BLTP1: variants seen among roughly 807,000 people sequenced by gnomAD.
The protein encoded by BLTP1 is bridge-like lipid transfer protein family member 1, also known as fragile site-associated protein.
chr4:122,198,507 A>G, the BLTP1 span: 2 of 920,750 alleles, frequency 2.2e-6, no homozygotes, highest in Non-Finnish European at 2.6e-6. Context: ...AGGAAATAGT[A>G]TTTTTACTGT....
At chr4:122,262,664 T>G in the BLTP1 span, 2 of 1,394,664 alleles carry the variant, frequency 1.4e-6, no homozygotes, top group Non-Finnish European at 1.9e-6. Context: ...ATGTGCAAAG[T>G]AGCTAGCAGT....
the BLTP1 span, chr4:122,292,637 T>G: frequency 1.1e-6 from 1 of 916,366 alleles, no homozygotes; most frequent in Non-Finnish European, 1.3e-6. Context: ...AAAAAGAATC[T>G]GCTTTTAACC....
the BLTP1 span, chr4:122,333,599 A>T: frequency 5.0e-5 from 78 of 1,548,334 alleles, no homozygotes; most frequent in Non-Finnish European, 2.6e-6. Flanking sequence ...GTCATTTTTT[A>T]AAAAGATAAG....
chr4:122,211,083 T>A, the BLTP1 span: 1 of 1,611,486 alleles, frequency 6.2e-7, no homozygotes. Flanking sequence ...TAAATGCCTT[T>A]TTGTGTATAA....
chr4:122,269,581 C>T, the BLTP1 span: 25 of 985,014 alleles, frequency 2.5e-5, no homozygotes, highest in African/African-American at 3.3e-4. Flanking sequence ...AGACCTTCAC[C>T]GCAATATACT....
chr4:122,195,127 G>A, the BLTP1 span, among the ~76,000 whole-genome samples: 1 of 152,154 alleles, frequency 6.6e-6, no homozygotes, highest in South Asian at 2.1e-4. Flanking sequence ...CATACAGAAA[G>A]AAATCTCAGC....
chr4:122,362,413 A>T, the BLTP1 span: 1 of 540,030 alleles, frequency 1.9e-6, no homozygotes, highest in South Asian at 2.6e-5. Context: ...TTCTGTGTAC[A>T]GTGAAGTATT....
the BLTP1 span, among the ~76,000 whole-genome samples, chr4:122,168,734 T>G: frequency 6.6e-6 from 1 of 152,188 alleles, no homozygotes; most frequent in Non-Finnish European, 1.5e-5. Flanking sequence ...AAAAAAGGAT[T>G]ATTGTAAACT....
chr4:122,291,830 T>G, the BLTP1 span: 1 of 979,756 alleles, frequency 1.0e-6, no homozygotes, highest in Non-Finnish European at 1.2e-6. Flanking sequence ...AATTATTGTT[T>G]AGTATGTTTT....
chr4:122,171,272 A>G, the BLTP1 span, among the ~76,000 whole-genome samples: 2 of 152,170 alleles, frequency 1.3e-5, no homozygotes, highest in Non-Finnish European at 2.9e-5. Context: ...CAGAGGGAGA[A>G]AGGAAATATG....
At chr4:122,234,642 T>G in the BLTP1 span, 1 of 1,023,500 alleles carries the variant, frequency 9.8e-7, no homozygotes, top group Non-Finnish European at 1.4e-6. Context: ...TAAACCTTTG[T>G]GTTTGTGTTT....
chr4:122,272,410 G>A, the BLTP1 span: 3 of 1,606,326 alleles, frequency 1.9e-6, no homozygotes, highest in Non-Finnish European at 2.6e-6. Flanking sequence ...TGAAAGGTAT[G>A]AATGATTTTT....
At chr4:122,325,585 G>A in the BLTP1 span, 1 of 1,148,560 alleles carries the variant, frequency 8.7e-7, no homozygotes. Flanking sequence ...AAAGGTTTTT[G>A]TTGAATAATT....
the BLTP1 span, chr4:122,219,569 T>C: frequency 6.2e-7 from 1 of 1,610,360 alleles, no homozygotes; most frequent in East Asian, 2.2e-5. Flanking sequence ...CTTCCTGTTG[T>C]AAGTGTTTAC....
At chr4:122,339,118 A>T in the BLTP1 span, 1 of 1,405,518 alleles carries the variant, frequency 7.1e-7, no homozygotes, top group East Asian at 2.5e-5. Context: ...AATGTTTCTT[A>T]AGTTTATTTG....
the BLTP1 span, chr4:122,328,099 A>G: frequency 2.7e-6 from 4 of 1,509,170 alleles, no homozygotes; most frequent in Non-Finnish European, 3.6e-6. Flanking sequence ...TCTTTTTACA[A>G]TCAGTTTCCA....
chr4:122,164,201 T>C, the BLTP1 span, among the ~76,000 whole-genome samples: 1 of 152,180 alleles, frequency 6.6e-6, no homozygotes, highest in East Asian at 1.9e-4. Flanking sequence ...GTTAGAATTT[T>C]GGGATTGGGA....
the BLTP1 span, chr4:122,289,248 T>A: frequency 8.2e-7 from 1 of 1,219,524 alleles, no homozygotes; most frequent in Non-Finnish European, 1.2e-6. Flanking sequence ...TCATTGAGCG[T>A]GTGATATCCC....
the BLTP1 span, chr4:122,337,222 A>G: frequency 3.6e-6 from 2 of 550,400 alleles, no homozygotes; most frequent in Non-Finnish European, 6.4e-6. Flanking sequence ...TGCTCAAGTT[A>G]TGATGCTGTT....
Sources: allele counts gnomAD v4.1 joint callset (sites outside exome capture counted in the v4.1 genomes callset), GRCh38; gene constraint gnomAD v4.1.1; transcripts MANE v1.5; gene names NCBI Gene and HGNC (gene_info 2026-07-23, HGNC 2026-07-21).